TCERG1L: variants seen among roughly 807,000 people sequenced by gnomAD.
TCERG1L encodes transcription elongation regulator 1-like protein.
Under a neutral mutation model 56.3 loss-of-function variants are expected in TCERG1L, and 37 were observed. The ratio of observed to expected loss-of-function variants is 0.66; its 90% CI spans 0.51 to 0.87. The LOEUF is 0.87. TCERG1L is among the 40% of genes least tolerant of loss of function. TCERG1L has a pLI of 0.00. For missense variants in TCERG1L, 799 were observed against 774.2 expected (o/e 1.03, Z -0.38); for synonymous variants, 324 against 326.3 (o/e 0.99, Z 0.08).
intron 4 of TCERG1L, among the ~76,000 whole-genome samples, chr10:131,214,968 G>A (rs1282476989): frequency 6.6e-6 from 1 of 152,198 alleles, no homozygotes; most frequent in African/African-American, 2.4e-5. Context: ...CCGTGTCGGG[G>A]GCCCTGTTTC....
intron 11 of TCERG1L, 139 bp downstream of exon 11, chr10:131,098,167 G>T (rs770931930): frequency 1.2e-6 from 1 of 850,888 alleles, no homozygotes; most frequent in Non-Finnish European, 1.8e-6. Context: ...TGGTCTCACT[G>T]GCAGGTCTTC....
chr10:131,116,593 G>A (rs1459580390), intron 9 of TCERG1L, among the ~76,000 whole-genome samples: 1 of 152,202 alleles, frequency 6.6e-6, no homozygotes, highest in African/African-American at 2.4e-5. Context: ...AACTTAGTAA[G>A]GGGGAGGCAT....
intron 8 of TCERG1L, among the ~76,000 whole-genome samples, chr10:131,123,009 C>T (rs912581424): frequency 6.6e-6 from 1 of 152,216 alleles, no homozygotes; most frequent in African/African-American, 2.4e-5. Context: ...CAACCTGCCT[C>T]GTTTCTCTGA....
At chr10:131,110,995 T>G (rs950066885) in intron 9 of TCERG1L, among the ~76,000 whole-genome samples, 1 of 142,852 alleles carries the variant, frequency 7.0e-6, no homozygotes, top group Non-Finnish European at 1.6e-5. Flanking sequence ...TTTCAAGTAA[T>G]TTTCAATCCC....
chr10:131,264,340 G>A lies in TCERG1L; in HGVS notation c.671-3896C>T, dbSNP rs532391301. ...GGCCCAAGCTGTGGGCTCCTGGGTC[G>A]GGAAGGGGCTGTCGAAGACCACCCA... On this transcript the variant is annotated intron_variant, in intron 3 of 11. Coordinates refer to ENST00000368642, the MANE Select transcript of TCERG1L (RefSeq NM_174937.4). Among the ~76,000 whole-genome samples the A allele has an allele frequency of 2.0e-3, 300 of 152,308 alleles. 1 individual carries two copies. Among genetic ancestry groups the A allele is most frequent in the African/African-American group, 6.8e-3 (282 of 41,562 alleles).
chr10:131,265,701 G>A (rs531580624), intron 3 of TCERG1L, among the ~76,000 whole-genome samples: 5 of 152,310 alleles, frequency 3.3e-5, no homozygotes, highest in African/African-American at 1.2e-4. Flanking sequence ...ATAGTATTAT[G>A]TCTAAAAAAT....
chr10:131,308,534 A>G (rs1364672747), intron 2 of TCERG1L, 143 bp from the exon 3 acceptor site: 11 of 714,356 alleles, frequency 1.5e-5, no homozygotes, highest in Non-Finnish European at 2.5e-5. Flanking sequence ...CCATCATTCT[A>G]AAACTTAAAG....
intron 4 of TCERG1L, among the ~76,000 whole-genome samples, chr10:131,213,713 G>C (rs1219937525): frequency 6.6e-6 from 1 of 152,220 alleles, no homozygotes; most frequent in Non-Finnish European, 1.5e-5. Flanking sequence ...CCTCTCCCTG[G>C]ACCCTGCTCT....
chr10:131,132,424 T>A (rs929354564), intron 8 of TCERG1L, among the ~76,000 whole-genome samples: 1 of 152,142 alleles, frequency 6.6e-6, no homozygotes, highest in Non-Finnish European at 1.5e-5. Flanking sequence ...AAAATTAGCG[T>A]TTCAATGTTG....
At chr10:131,262,997 G>A (rs1846248728) in intron 3 of TCERG1L, among the ~76,000 whole-genome samples, 2 of 152,038 alleles carry the variant, frequency 1.3e-5, no homozygotes, top group South Asian at 4.1e-4. Context: ...CTCATGACTT[G>A]ATAGCTCATT....
At chr10:131,230,006 T>C (rs1845832089) in intron 4 of TCERG1L, among the ~76,000 whole-genome samples, 1 of 151,544 alleles carries the variant, frequency 6.6e-6, no homozygotes, top group African/African-American at 2.4e-5. Flanking sequence ...TGAAATTGCC[T>C]GAAGCAAGGA....
intron 4 of TCERG1L, among the ~76,000 whole-genome samples, chr10:131,228,896 C>T (rs1324301188): frequency 1.7e-5 from 2 of 114,800 alleles, no homozygotes; most frequent in African/African-American, 3.5e-5. Context: ...CAAGGCCTCA[C>T]GAGTCTCCCC....
chr10:131,245,992 G>A (rs955849229), intron 4 of TCERG1L, among the ~76,000 whole-genome samples: 2 of 152,150 alleles, frequency 1.3e-5, no homozygotes, highest in Non-Finnish European at 2.9e-5. Flanking sequence ...GTAAACAGAG[G>A]CCGAGAGCCC....
intron 3 of TCERG1L, among the ~76,000 whole-genome samples, chr10:131,272,150 G>A (rs914974759): frequency 3.3e-5 from 5 of 152,146 alleles, no homozygotes; most frequent in African/African-American, 9.7e-5. Context: ...CCTTCCCTCC[G>A]TGTCCTCTGA....
intron 4 of TCERG1L, among the ~76,000 whole-genome samples, chr10:131,248,106 T>C (rs1846059848): frequency 6.7e-6 from 1 of 148,826 alleles, no homozygotes; most frequent in Non-Finnish European, 1.5e-5. Flanking sequence ...TGCACACACA[T>C]GATACACACA....
chr10:131,259,930 G>A (rs1409793781), intron 4 of TCERG1L, among the ~76,000 whole-genome samples: 2 of 152,230 alleles, frequency 1.3e-5, no homozygotes. Context: ...ACAACTTCCT[G>A]GGGTGCTTGC....
intron 3 of TCERG1L, among the ~76,000 whole-genome samples, chr10:131,278,489 C>A (rs898250744): frequency 1.3e-5 from 2 of 151,994 alleles, no homozygotes; most frequent in African/African-American, 2.4e-5. Context: ...AGGTGCCCAC[C>A]ACGATGCCCA....
intron 7 of TCERG1L, 142 bp from the exon 8 acceptor site, chr10:131,134,590 C>T (rs977000398): frequency 2.7e-5 from 18 of 665,198 alleles, no homozygotes; most frequent in South Asian, 3.7e-5. Flanking sequence ...TGAAATCCTA[C>T]GAGTTTCCTC....
chr10:131,110,669 A>G (rs967552235), intron 9 of TCERG1L, among the ~76,000 whole-genome samples: 2 of 152,224 alleles, frequency 1.3e-5, no homozygotes, highest in African/African-American at 2.4e-5. Context: ...AAAGGTCACC[A>G]TTTATAAAAC....
Sources: allele counts gnomAD v4.1 joint callset (sites outside exome capture counted in the v4.1 genomes callset), GRCh38; gene constraint gnomAD v4.1.1; transcripts MANE v1.5; gene names NCBI Gene and HGNC (gene_info 2026-07-23, HGNC 2026-07-21).